The following CTNND2 variants were observed in gnomAD, a reference collection of about 807,000 sequenced individuals.
The protein encoded by CTNND2 is catenin delta-2.
CTNND2 carries 22 observed loss-of-function variants against 144.4 expected under a neutral mutation model. The observed-to-expected ratio is 0.15, with a 90% confidence interval of 0.11 to 0.22. The LOEUF is 0.22. Ranked by LOEUF, CTNND2 falls within the 10% of genes least tolerant of loss-of-function variation. CTNND2 has a pLI of 1.00. For synonymous variants in CTNND2, 751 were observed against 695.6 expected, an observed-to-expected ratio of 1.08 and a Z score of -1.25; for missense variants, 1,353 against 1,618.8, an observed-to-expected ratio of 0.84 and a Z score of 2.82.
intron 5 of CTNND2, among the ~76,000 whole-genome samples, chr5:11,408,383 C>T (rs1212875739): frequency 6.6e-6 from 1 of 152,070 alleles, no homozygotes; most frequent in Non-Finnish European, 1.5e-5. Flanking sequence ...CTAGTTTTTA[C>T]TCAGTTACTT....
chr5:11,209,355 G>A (rs376951328), intron 10 of CTNND2, among the ~76,000 whole-genome samples: 59 of 152,242 alleles, frequency 3.9e-4, no homozygotes, highest in African/African-American at 1.3e-3. Flanking sequence ...TAGTCAAGAT[G>A]GCTTAGTGGA....
intron 2 of CTNND2, among the ~76,000 whole-genome samples, chr5:11,671,195 G>A (rs1361191389): frequency 6.6e-6 from 1 of 152,112 alleles, no homozygotes; most frequent in African/African-American, 2.4e-5. Context: ...CTTTCTCTCT[G>A]GCTGCCCTTA....
intron 1 of CTNND2, among the ~76,000 whole-genome samples, chr5:11,814,274 A>G (rs911023581): frequency 6.6e-6 from 1 of 152,228 alleles, no homozygotes; most frequent in Non-Finnish European, 1.5e-5. Context: ...ATCTACAGAG[A>G]GCAATCATGA....
At chr5:11,050,555 C>T (rs1435126199) in intron 16 of CTNND2, among the ~76,000 whole-genome samples, 3 of 152,184 alleles carry the variant, frequency 2.0e-5, no homozygotes, top group Non-Finnish European at 4.4e-5. Context: ...ATAACTCTCA[C>T]ATATGTCCCC....
At chr5:11,585,587 C>T (rs1264950864) in intron 2 of CTNND2, among the ~76,000 whole-genome samples, 1 of 151,750 alleles carries the variant, frequency 6.6e-6, no homozygotes, top group African/African-American at 2.4e-5. Context: ...AGAAATGCAT[C>T]AATGAAAAAA....
At chr5:11,776,139 C>T (rs192690545) in intron 1 of CTNND2, among the ~76,000 whole-genome samples, 26 of 152,190 alleles carry the variant, frequency 1.7e-4, no homozygotes, top group African/African-American at 5.5e-4. Flanking sequence ...TGTTGTACAC[C>T]GCTCAGTTTG....
chr5:11,554,418 T>C (rs1181552457), intron 3 of CTNND2, among the ~76,000 whole-genome samples: 1 of 152,210 alleles, frequency 6.6e-6, no homozygotes, highest in African/African-American at 2.4e-5. Flanking sequence ...CCTTGTGGTG[T>C]GACATTTGAA....
At chr5:11,064,390 T>G (rs1431589973) in intron 16 of CTNND2, among the ~76,000 whole-genome samples, 1 of 152,070 alleles carries the variant, frequency 6.6e-6, no homozygotes, top group Non-Finnish European at 1.5e-5. Flanking sequence ...ATATAGACTG[T>G]GAAAAGTCCT....
At chr5:11,742,882 T>C (rs898783895) in intron 1 of CTNND2, among the ~76,000 whole-genome samples, 1 of 152,210 alleles carries the variant, frequency 6.6e-6, no homozygotes, top group Non-Finnish European at 1.5e-5. Context: ...AAGAACAGTA[T>C]TGAGCACCTC....
chr5:11,491,037 G>A (rs1034220939), intron 3 of CTNND2, among the ~76,000 whole-genome samples: 3 of 152,128 alleles, frequency 2.0e-5, no homozygotes, highest in African/African-American at 4.8e-5. Context: ...AGACTGTTTA[G>A]GAGGGGAACT....
At chr5:11,167,998 G>T (rs1759517182) in intron 11 of CTNND2, among the ~76,000 whole-genome samples, 1 of 151,774 alleles carries the variant, frequency 6.6e-6, no homozygotes, top group Admixed American at 6.6e-5. Flanking sequence ...GAGCCACTAT[G>T]CCTGACCCTC....
intron 6 of CTNND2, chr5:11,385,766 C>G (rs1193482908): frequency 1.3e-5 from 2 of 152,070 alleles, no homozygotes; most frequent in Non-Finnish European, 2.9e-5. Flanking sequence ...ACAGTTTATT[C>G]TGTTGCTATT....
chr5:11,002,042 A>G (rs1332211962), intron 18 of CTNND2, among the ~76,000 whole-genome samples: 1 of 152,236 alleles, frequency 6.6e-6, no homozygotes, highest in Non-Finnish European at 1.5e-5. Flanking sequence ...AAATGCATTC[A>G]GTTCCCCACA....
At chr5:11,752,541 TC>T (rs1354153400) in intron 1 of CTNND2, among the ~76,000 whole-genome samples, 9 of 151,534 alleles carry the variant, frequency 5.9e-5, no homozygotes, top group African/African-American at 2.2e-4. Flanking sequence ...ATGTGTCTGT[TC>T]TTTTTTTTTT....
chr5:11,630,455 G>A (rs908392498), intron 2 of CTNND2, among the ~76,000 whole-genome samples: 8 of 152,092 alleles, frequency 5.3e-5, no homozygotes, highest in South Asian at 2.1e-4. Context: ...ACAGCACCTG[G>A]TATCTTTCGA....
At chr5:11,055,958 C>T (rs187447614) in intron 16 of CTNND2, among the ~76,000 whole-genome samples, 28 of 152,296 alleles carry the variant, frequency 1.8e-4, no homozygotes, top group African/African-American at 5.1e-4. Flanking sequence ...TTCCTGGCTG[C>T]AGAACAAAAT....
At chr5:11,312,439 G>A (rs1017229960) in intron 9 of CTNND2, among the ~76,000 whole-genome samples, 7 of 152,018 alleles carry the variant, frequency 4.6e-5, no homozygotes, top group African/African-American at 7.3e-5. Context: ...ACATGGCAGC[G>A]GCAAGAGAAA....
At chr5:11,468,282 C>A (rs1332931522) in intron 3 of CTNND2, among the ~76,000 whole-genome samples, 2 of 152,170 alleles carry the variant, frequency 1.3e-5, no homozygotes, top group African/African-American at 4.8e-5. Flanking sequence ...TCAGTCCTTA[C>A]AGCCAATGGA....
rs757694765 is a variant in CTNND2, at chr5:11,586,779, A to G, written c.175-21723T>C. Among the ~76,000 whole-genome samples, 3 of 152,224 alleles carry G rather than the reference A, an allele frequency of 2.0e-5. No homozygotes were observed. The South Asian group carries it at 6.2e-4, about 32-fold the overall frequency. On this transcript the variant is annotated intron_variant, in intron 2 of 21. Coordinates refer to ENST00000304623, the MANE Select transcript of CTNND2 (RefSeq NM_001332.4). Reference sequence around the variant, plus strand: ...ATTTTTTGTTAATTGTGTGGATACAATTTATGAGTAAAACACCCCAGAAAA... The same window carrying G: ...ATTTTTTGTTAATTGTGTGGATACAGTTTATGAGTAAAACACCCCAGAAAA...
Sources: gnomAD v4.1 joint callset for allele counts (sites outside exome capture counted in the v4.1 genomes callset) on GRCh38, gnomAD v4.1.1 for gene constraint, MANE v1.5 for transcripts, NCBI Gene and HGNC (gene_info 2026-07-23, HGNC 2026-07-21) for gene names.